TANC1: variants seen among roughly 807,000 people sequenced by gnomAD.
TANC1 encodes protein TANC1.
A neutral mutation model predicts 149.7 loss-of-function variants in TANC1; 77 were observed. The observed-to-expected ratio is 0.51, with a 90% confidence interval of 0.43 to 0.62. TANC1 has a LOEUF of 0.62. Ranked by LOEUF, TANC1 falls within the 20% of genes least tolerant of loss-of-function variation. The pLI is 0.00. For synonymous variants in TANC1, 854 were observed against 925.0 expected (o/e 0.92, Z 1.39); for missense variants, 1,985 against 2,321.8 (o/e 0.85, Z 2.98).
Position 159,231,141 on chromosome 2 carries a change from T to C in TANC1, c.*129T>C. On this transcript the variant is annotated 3_prime_UTR_variant, in exon 27 of 27. Transcript: ENST00000263635. ...TTTCTTTGGGGTGGATCTGATGCCA[T>C]TGATATATCTAAAATGTGGGATAAA... 9.0e-6 allele frequency: 6 copies of C among 668,420 alleles called. No individual in the cohort carries two copies. Among genetic ancestry groups the C allele is most frequent in the Non-Finnish European group, 1.0e-5 (4 of 396,632 alleles). The allele number at this position is 668,420 out of a possible 1,614,324, so 41.4% of individuals were successfully genotyped here. A position where few individuals can be genotyped will look rare whatever the true frequency, so the allele number is the denominator to read the frequency against.
chr2:159,091,880 G>A (rs1159519703), intron 3 of TANC1, among the ~76,000 whole-genome samples: 2 of 151,580 alleles, frequency 1.3e-5, no homozygotes, highest in Non-Finnish European at 2.9e-5. Flanking sequence ...ATGGCTTCAA[G>A]TGCTTTTAGT....
At chr2:159,209,480 AG>A (rs2058843870) in intron 19 of TANC1, among the ~76,000 whole-genome samples, 3 of 152,134 alleles carry the variant, frequency 2.0e-5, no homozygotes, top group Admixed American at 2.0e-4. Flanking sequence ...CGGGGAGGCA[AG>A]GCACATTGCC....
intron 1 of TANC1, among the ~76,000 whole-genome samples, chr2:158,986,083 G>T (rs527684039): frequency 6.6e-6 from 1 of 152,194 alleles, no homozygotes; most frequent in Admixed American, 6.5e-5. Context: ...GTTTGGTGAC[G>T]TGGAACTTTT....
At chr2:159,079,962 A>C (rs2044096032) in intron 3 of TANC1, among the ~76,000 whole-genome samples, 1 of 152,224 alleles carries the variant, frequency 6.6e-6, no homozygotes, top group African/African-American at 2.4e-5. Context: ...TTTTTAAATG[A>C]GAAAGGGTAG....
chr2:159,126,108 A>G (rs1368074183), intron 4 of TANC1, among the ~76,000 whole-genome samples: 1 of 152,184 alleles, frequency 6.6e-6, no homozygotes, highest in African/African-American at 2.4e-5. Context: ...AGGATAATCT[A>G]TTTGAAGGTC....
intron 2 of TANC1, chr2:159,060,183 T>A: frequency 2.1e-6 from 1 of 486,024 alleles, no homozygotes; most frequent in Non-Finnish European, 2.7e-6. Context: ...GATGCTTCTT[T>A]GAAGCAAAGA....
intron 3 of TANC1, among the ~76,000 whole-genome samples, chr2:159,073,292 A>G (rs140255687): frequency 2.0e-5 from 3 of 152,264 alleles, no homozygotes; most frequent in African/African-American, 7.2e-5. Flanking sequence ...ACAGATATCT[A>G]CCGTTTATCA....
At chr2:159,180,872 T>C (rs1575122632) in intron 14 of TANC1, among the ~76,000 whole-genome samples, 1 of 151,686 alleles carries the variant, frequency 6.6e-6, no homozygotes, top group Admixed American at 6.6e-5. Context: ...AGGCAGGAGG[T>C]GATATGCGAG....
At chr2:159,163,233 GC>G (rs1239015503) in intron 7 of TANC1, 49 bp from the exon 8 acceptor site, 2 of 1,576,184 alleles carry the variant, frequency 1.3e-6, no homozygotes, top group Non-Finnish European at 1.7e-6. Context: ...TAATTCTTCA[GC>G]CCCAGCTGTG....
At chr2:159,062,014 G>A in intron 2 of TANC1, among the ~76,000 whole-genome samples, 1 of 152,164 alleles carries the variant, frequency 6.6e-6, no homozygotes, top group East Asian at 1.9e-4. Context: ...AAGGCAGGCA[G>A]ATCACCTGAG....
At chr2:159,177,151 C>G (rs1027757845) in intron 13 of TANC1, among the ~76,000 whole-genome samples, 3 of 151,990 alleles carry the variant, frequency 2.0e-5, no homozygotes, top group African/African-American at 4.8e-5. Context: ...CTCAGGTGAT[C>G]CACCCACCTT....
chr2:159,061,101 A>G (rs567053099), intron 2 of TANC1, among the ~76,000 whole-genome samples: 1 of 152,368 alleles, frequency 6.6e-6, no homozygotes, highest in South Asian at 2.1e-4. Flanking sequence ...GTTGAATGAT[A>G]GTAGAAATTT....
At chr2:159,021,469 C>T (rs1302076633) in intron 2 of TANC1, among the ~76,000 whole-genome samples, 1 of 152,072 alleles carries the variant, frequency 6.6e-6, no homozygotes, top group African/African-American at 2.4e-5. Context: ...AGGTGGCATG[C>T]ACCTGTAGTC....
At chr2:159,156,364 C>A (rs1329546596) in intron 7 of TANC1, among the ~76,000 whole-genome samples, 2 of 152,048 alleles carry the variant, frequency 1.3e-5, no homozygotes, top group Non-Finnish European at 1.5e-5. Context: ...GAAAGAAATT[C>A]TTGGCAATGA....
At chr2:159,136,594 T>C (rs1203566513) in intron 5 of TANC1, among the ~76,000 whole-genome samples, 1 of 152,180 alleles carries the variant, frequency 6.6e-6, no homozygotes, top group Non-Finnish European at 1.5e-5. Context: ...ACCCAGTAGA[T>C]TGCTTCCAAG....
At chr2:159,204,066 G>A (rs994128315) in intron 19 of TANC1, among the ~76,000 whole-genome samples, 2 of 152,180 alleles carry the variant, frequency 1.3e-5, no homozygotes, top group African/African-American at 2.4e-5. Context: ...GTGCAACTGA[G>A]GAACAATAGT....
intron 3 of TANC1, among the ~76,000 whole-genome samples, chr2:159,097,200 T>C (rs2046230247): frequency 6.6e-6 from 1 of 152,118 alleles, no homozygotes; most frequent in Non-Finnish European, 1.5e-5. Context: ...CACTTAGTCT[T>C]TTCTTATTAG....
chr2:159,107,695 A>T (rs1383406034), intron 4 of TANC1, among the ~76,000 whole-genome samples: 2 of 152,176 alleles, frequency 1.3e-5, no homozygotes, highest in Non-Finnish European at 2.9e-5. Flanking sequence ...TCCTCTGGAA[A>T]TTCCTATGCC....
chr2:159,229,455 C>A (rs943940139), intron 26 of TANC1, 123 bp from the exon 27 acceptor site: 1 of 825,640 alleles, frequency 1.2e-6, no homozygotes. Flanking sequence ...TGGCCACCAC[C>A]GTAAGTGTTC....
Sources: gnomAD v4.1 joint callset for allele counts (sites outside exome capture counted in the v4.1 genomes callset) on GRCh38, gnomAD v4.1.1 for gene constraint, MANE v1.5 for transcripts, NCBI Gene and HGNC (gene_info 2026-07-23, HGNC 2026-07-21) for gene names.